IFT80: variants seen among roughly 807,000 people sequenced by gnomAD.
IFT80 encodes intraflagellar transport 80.
A neutral mutation model predicts 107.9 loss-of-function variants in IFT80; 79 were observed. The observed-to-expected ratio is 0.73, with a 90% confidence interval of 0.61 to 0.88. The LOEUF (loss-of-function observed/expected upper bound fraction) is 0.88, where lower values mean the gene tolerates loss of function less well. Among genes scored for constraint, IFT80 ranks in the 40% least tolerant of loss-of-function variants. The probability of loss-of-function intolerance (pLI) is 0.00; values close to 1 mark genes in which losing one functional copy is unlikely to be tolerated. For synonymous variants in IFT80, 299 were observed against 300.9 expected (o/e 0.99, Z 0.07); for missense variants, 797 against 914.2 (o/e 0.87, Z 1.65).
chr3:160,342,098 C>T (rs989893482), intron 8 of IFT80, among the ~76,000 whole-genome samples: 1 of 152,054 alleles, frequency 6.6e-6, no homozygotes, highest in Non-Finnish European at 1.5e-5. Context: ...CACACTAATA[C>T]TTATAAGAGG....
intron 8 of IFT80, among the ~76,000 whole-genome samples, chr3:160,329,417 C>T (rs895643458): frequency 2.0e-5 from 3 of 152,078 alleles, no homozygotes; most frequent in African/African-American, 7.2e-5. Context: ...TTAAATATCC[C>T]TCTTGATGGG....
chr3:160,377,464 T>C lies in IFT80; in HGVS notation c.336A>G (p.Gly112=). 2 of 1,609,256 alleles carry C rather than the reference T, an allele frequency of 1.2e-6. No homozygotes were observed. The highest frequency in any genetic ancestry group is 1.1e-5 in the South Asian group (1 of 90,894). ...ATGCTGTTCCTTCATAATTCCATCT[T>C]CCTGCAAGTACTGCTCCACAGTGAG... ...VEAHCGAVLA[G]RWNYEGTALV... The change falls in exon 4 of 20, where the codon GGA becomes GGG. Residue 112 remains glycine (G), a synonymous_variant. Transcript: ENST00000326448.
At chr3:160,342,262 A>G (rs1259598749) in intron 8 of IFT80, among the ~76,000 whole-genome samples, 2 of 152,328 alleles carry the variant, frequency 1.3e-5, no homozygotes, top group East Asian at 3.9e-4. Flanking sequence ...TCACCGCTGG[A>G]GTCTTGACTC....
chr3:160,288,059 C>T (rs1467636029), intron 12 of IFT80, among the ~76,000 whole-genome samples: 4 of 152,166 alleles, frequency 2.6e-5, no homozygotes, highest in Admixed American at 1.3e-4. Flanking sequence ...AGAAATACAG[C>T]GCAGTCTGGG....
At position 160,319,821 on chromosome 3, in the gene IFT80, A is replaced by G. The variant is rs746995909; in HGVS notation, c.896T>C (p.Val299Ala). The change falls in exon 9 of 20, where the codon GTG becomes GCG. Residue 299 changes from valine (V) to alanine (A), a missense_variant. Transcript: ENST00000326448. Reference protein sequence around the residue: ...GNGHVVFAHVVEQHWEWKNFQ... With the variant: ...GNGHVVFAHVAEQHWEWKNFQ... ...ATTTTTCCACTCCCAATGTTGTTCC[A>G]CCACATGTGCAAAAACGACATGTCC... 5.0e-6 allele frequency: 8 copies of G among 1,612,946 alleles called. No individual in the cohort carries two copies. The Admixed American group carries it at 1.3e-4, about 27-fold the overall frequency.
intron 3 of IFT80, among the ~76,000 whole-genome samples, chr3:160,380,225 G>A (rs1037142850): frequency 1.3e-5 from 2 of 151,642 alleles, no homozygotes; most frequent in Non-Finnish European, 2.9e-5. Flanking sequence ...CAGTACAGAC[G>A]GGGGTTTCAT....
At chr3:160,277,751 T>G in intron 16 of IFT80, 81 bp from the exon 17 acceptor site, 1 of 840,442 alleles carries the variant, frequency 1.2e-6, no homozygotes, top group Non-Finnish European at 2.0e-6. Context: ...ATACTCATAC[T>G]AAAATGATAT....
intron 8 of IFT80, among the ~76,000 whole-genome samples, chr3:160,329,580 C>T (rs1311071876): frequency 1.3e-5 from 2 of 152,176 alleles, no homozygotes; most frequent in Non-Finnish European, 2.9e-5. Context: ...AGGAAAGGAA[C>T]ATCCTTATCT....
chr3:160,357,710 A>G (rs1466668310), intron 6 of IFT80, 132 bp from the exon 7 acceptor site: 1 of 634,044 alleles, frequency 1.6e-6, no homozygotes, highest in Admixed American at 2.7e-5. Context: ...TTCCTTTTAT[A>G]GCCAATGTAC....
chr3:160,266,609 C>A (rs922758231), intron 19 of IFT80, among the ~76,000 whole-genome samples: 5 of 152,112 alleles, frequency 3.3e-5, no homozygotes, highest in Admixed American at 2.6e-4. Context: ...GTCTCAAACT[C>A]CTGGACTCAA....
Position 160,277,390 on chromosome 3 carries a change from A to G in IFT80, c.2015T>C (p.Ile672Thr), listed in dbSNP as rs1229167933. Reference sequence around the variant, plus strand: ...AAGAAGTACTATTTCAGCCTCCTGTATGTTCCCACTAAACAGTAGTATGTG... The same window carrying G: ...AAGAAGTACTATTTCAGCCTCCTGTGTGTTCCCACTAAACAGTAGTATGTG... ...MAHILLFSGN[I>T]QEAEIVLLQA... The change falls in exon 18 of 20, where the codon ATA becomes ACA. Residue 672 changes from isoleucine (I) to threonine (T), a missense_variant. Transcript: ENST00000326448. 1.2e-6 allele frequency: 2 copies of G among 1,613,500 alleles called. No individual in the cohort carries two copies. The highest frequency in any genetic ancestry group is 1.7e-6 in the Non-Finnish European group (2 of 1,179,660).
In IFT80 at chr3:160,375,850, G is replaced by C. The variant is rs1241223548; in HGVS notation, c.401C>G (p.Ser134Ter). ...AGTTGATCTAAGCATCCCAGTCTTTGACCAAATTTTTATTTGTCCATCTTC... is the reference window on the plus strand; with the variant it reads ...AGTTGATCTAAGCATCCCAGTCTTTCACCAAATTTTTATTTGTCCATCTTC... The part of the protein sequence containing the change: ...VGEDGQIKIW[S>*]KTGMLRSTLA... Residue 134 changes from serine (S) to a stop codon, truncating the protein, a stop_gained, in exon 5 of 20, where the codon TCA becomes TGA. Coordinates refer to ENST00000326448, the MANE Select transcript of IFT80 (RefSeq NM_020800.3). LOFTEE classifies it high-confidence loss of function. 39 of 1,611,080 alleles carry C rather than the reference G, an allele frequency of 2.4e-5. No individual in the cohort carries two copies. In the East Asian group the frequency reaches 8.7e-4, roughly 36 times the overall value.
chr3:160,397,035 T>C (rs57030267), intron 1 of IFT80, among the ~76,000 whole-genome samples: 6,935 of 152,300 alleles, frequency 0.046, 224 homozygotes, highest in Middle Eastern at 0.078. Context: ...ATCAAAACTA[T>C]ATTTTCTGTG....
chr3:160,286,994 T>C (rs1266702030), intron 12 of IFT80, among the ~76,000 whole-genome samples: 1 of 152,124 alleles, frequency 6.6e-6, no homozygotes, highest in Admixed American at 6.5e-5. Flanking sequence ...GTCTGAACTT[T>C]CAGGTTCCCA....
intron 8 of IFT80, among the ~76,000 whole-genome samples, chr3:160,322,039 T>TTTATTTA (rs1559938927): frequency 7.0e-6 from 1 of 142,920 alleles, no homozygotes; most frequent in East Asian, 2.0e-4. Context: ...TATTTATTTA[T>TTTATTTA]TTATTATTAT....
At position 160,300,922 on chromosome 3, in the gene IFT80, T is replaced by C. The variant is rs1716376930; in HGVS notation, c.1276A>G (p.Asn426Asp). ...TTGTCTCTTATTGCTATGGTATCAT[T>C]ACTCAAAGACACAGTCTGTGCATTC... ...ILNAQTVSLS[N>D]DTIAIRDKAD... Residue 426 changes from asparagine (N) to aspartate (D), a missense_variant, in exon 12 of 20, where the codon AAT becomes GAT. Physicochemically the swap from Asn to Asp is conservative, Grantham distance 23 (BLOSUM62 1). Transcript: ENST00000326448. The C allele has an allele frequency of 1.9e-6, 3 of 1,610,210 alleles. No individual in the cohort carries two copies. The highest frequency in any genetic ancestry group is 2.5e-6 in the Non-Finnish European group (3 of 1,178,152).
intron 1 of IFT80, among the ~76,000 whole-genome samples, chr3:160,393,485 C>T (rs1414752457): frequency 6.6e-6 from 1 of 151,878 alleles, no homozygotes; most frequent in Non-Finnish European, 1.5e-5. Flanking sequence ...TTCATAGAAA[C>T]AAAAAGTAGA....
chr3:160,287,637 G>A lies in IFT80; in HGVS notation c.1316-1769C>T, dbSNP rs530288371. Among the ~76,000 whole-genome samples the A allele has an allele frequency of 1.3e-4, 20 of 152,342 alleles. No individual in the cohort carries two copies. The South Asian group carries it at 3.5e-3, about 27-fold the overall frequency. ...CAGTTATTGGAGGTAAAAGTTACCA[G>A]TGAAATTTAGAGATGATGCATATAT... On this transcript the variant is annotated intron_variant, in intron 12 of 19. Transcript: ENST00000326448.
intron 1 of IFT80, among the ~76,000 whole-genome samples, chr3:160,390,601 G>T (rs979548155): frequency 6.6e-5 from 10 of 152,116 alleles, no homozygotes; most frequent in Admixed American, 4.6e-4. Context: ...TAGATGGTTG[G>T]AGATGGTAGA....
Sources: gnomAD v4.1 joint callset for allele counts (sites outside exome capture counted in the v4.1 genomes callset) on GRCh38, gnomAD v4.1.1 for gene constraint, MANE v1.5 for transcripts, NCBI Gene and HGNC (gene_info 2026-07-23, HGNC 2026-07-21) for gene names.